The following RECQL4 variants were observed in gnomAD, a reference collection of about 807,000 sequenced individuals.
RECQL4 encodes the protein RecQ like helicase 4.
Under a neutral mutation model 128.6 loss-of-function variants are expected in RECQL4, and 158 were observed. The ratio of observed to expected loss-of-function variants is 1.23; its 90% confidence interval spans 1.08 to 1.40. RECQL4 has a LOEUF of 1.40. RECQL4 is among the 40% of genes most tolerant of loss of function. The probability of loss-of-function intolerance (pLI) is 0.00; values close to 1 mark genes in which losing one functional copy is unlikely to be tolerated. For synonymous variants in RECQL4, 996 were observed against 678.9 expected, an observed-to-expected ratio of 1.47 and a Z score of -7.26; for missense variants, 2,293 against 1,649.8, an observed-to-expected ratio of 1.39 and a Z score of -6.75.
rs1024635326 is a variant in RECQL4 at position 144,516,233 on chromosome 8, C to T, written c.886G>A (p.Glu296Lys). ...TGTACAGGTTCCCCTGGAGGGTCTT[C>T]CTCAACTGCTACAGCCCCAGCCCCC... ...SEGAGAVAVE[E>K]DPPGEPVQAQ... The change falls in exon 5 of 21, where the codon GAA becomes AAA. Residue 296 changes from glutamate (E) to lysine (K), a missense_variant. Glu to Lys is a moderately conservative substitution (Grantham distance 56). Coordinates refer to ENST00000617875, the MANE Select transcript of RECQL4 (RefSeq NM_004260.4). 9 of 1,612,982 alleles carry T rather than the reference C, an allele frequency of 5.6e-6. No individual in the cohort carries two copies. The Admixed American group carries it at 8.3e-5, about 15-fold the overall frequency.
At chr8:144,516,799 C>A in intron 4 of RECQL4, 35 bp from the exon 5 acceptor site, 1 of 1,511,016 alleles carries the variant, frequency 6.6e-7, no homozygotes, top group Non-Finnish European at 8.8e-7. Context: ...AGGAGGAACT[C>A]AGGCCCCTGA....
chr8:144,517,184 C>T lies in RECQL4; in HGVS notation c.220G>A (p.Glu74Lys). The change falls in exon 4 of 21, where the codon GAG (glutamate) becomes AAG (lysine). Residue 74 changes from glutamate (E) to lysine (K), a missense_variant. Physicochemically the swap from Glu to Lys is moderately conservative, Grantham distance 56. Coordinates refer to ENST00000617875, the MANE Select transcript of RECQL4 (RefSeq NM_004260.4). ...AGATGGGGCCCCCAGCAGCGGGGCT[C>T]TGGCGCCTGCAGGAGACAACAGGGG... ...SLPAAAEEAP[E>K]PRCWGPHLNR... The T allele has an allele frequency of 6.2e-7, 1 of 1,602,346 alleles. No homozygotes were observed. The highest frequency in any genetic ancestry group is 8.5e-7 in the Non-Finnish European group (1 of 1,176,410).
chr8:144,515,463 G>T lies in RECQL4; in HGVS notation c.1259-6C>A. 1 of 1,612,650 alleles carries T rather than the reference G, an allele frequency of 6.2e-7. No individual in the cohort carries two copies. Among genetic ancestry groups the T allele is most frequent in the Non-Finnish European group, 8.5e-7 (1 of 1,179,822 alleles). On this transcript the variant is annotated splice_region_variant and splice_polypyrimidine_tract_variant and intron_variant, in intron 6 of 20. Coordinates refer to ENST00000617875, the MANE Select transcript of RECQL4 (RefSeq NM_004260.4). ...ATCTGTGTCTTCCTCACTTGCTGGG[G>T]CAGGCAGGAGAGGGTAGAATGGGAG...
intron 19 of RECQL4, 59 bp from the exon 20 acceptor site, chr8:144,511,848 C>T (rs1212025209): frequency 6.2e-7 from 1 of 1,610,660 alleles, no homozygotes; most frequent in Non-Finnish European, 8.5e-7. Context: ...ATCCACAGAG[C>T]AAGCCCCATG....
At chr8:144,515,639 T>C (rs1371207389) in intron 6 of RECQL4, 125 bp downstream of exon 6, 1 of 1,453,556 alleles carries the variant, frequency 6.9e-7, no homozygotes, top group Non-Finnish European at 9.3e-7. Context: ...TCAGGGGAGC[T>C]AGGGTAGGGC....
At position 144,513,450 on chromosome 8, in the gene RECQL4, T is replaced by G. The variant is rs757576880; in HGVS notation, c.2231A>C (p.Tyr744Ser). 1.2e-6 allele frequency: 2 copies of G among 1,609,860 alleles called. No homozygotes were observed. The highest frequency in any genetic ancestry group is 1.1e-5 in the South Asian group (1 of 91,072). ...TTCCCGGCTGCACATGCCCGCGTGG[T>G]AGGCCTCGGCTGTGGTTTTGGGGGC... ...GRAPKTTAEA[Y>S]HAGMCSRERR... The change falls in exon 14 of 21, where the codon TAC (tyrosine) becomes TCC (serine). Residue 744 changes from tyrosine (Y) to serine (S), a missense_variant. Transcript: ENST00000617875.
Position 144,517,711 on chromosome 8 carries a change from C to A in RECQL4, c.74G>T (p.Arg25Leu). The A allele has an allele frequency of 1.5e-6, 2 of 1,363,908 alleles. No homozygotes were observed. The highest frequency in any genetic ancestry group is 1.7e-5 in the South Asian group (1 of 59,246). 84.5% of individuals were successfully genotyped at this position (1,363,908 alleles called of 1,614,324 possible). Reference protein sequence around the residue: ...ERAFRRQRGRRPSQDDVEAAP... With the variant: ...ERAFRRQRGRLPSQDDVEAAP... ...CTGGGCAGCCCGCACCTGGCTCGGT[C>A]GCCGCCCGCGCTGCCGTCGGAACGC... The change falls in exon 1 of 21, where the codon CGA becomes CTA. Residue 25 changes from arginine (R) to leucine (L), a missense_variant. Arg to Leu is a moderately radical substitution (Grantham distance 102). Transcript: ENST00000617875.
intron 9 of RECQL4, 101 bp from the exon 10 acceptor site, chr8:144,514,626 G>GA: frequency 7.9e-7 from 1 of 1,262,242 alleles, no homozygotes; most frequent in Admixed American, 2.2e-5. Flanking sequence ...TCCCTCAGGG[G>GA]AGAGGAGAAC....
At position 144,513,367 on chromosome 8, in the gene RECQL4, C is replaced by T. The variant is rs1343306408; in HGVS notation, c.2314G>A (p.Val772Met). 5 of 1,606,690 alleles carry T rather than the reference C, an allele frequency of 3.1e-6. No homozygotes were observed. The highest frequency in any genetic ancestry group is 2.2e-5 in the South Asian group (2 of 91,058). ...QGQLRVVVAT[V>M]AFGMGLDRPD... ...CGGTCCAGCCCCATCCCAAAGGCCA[C>T]CGTGGCCACCACCACCCGCAACTGG... Residue 772 changes from valine to methionine, a missense_variant, in exon 14 of 21, where the codon GTG (valine) becomes ATG (methionine). By Grantham distance (21) the Val-to-Met change is conservative (BLOSUM62 1). Coordinates refer to ENST00000617875, the MANE Select transcript of RECQL4 (RefSeq NM_004260.4).
Position 144,512,837 on chromosome 8 carries a change from G to C in RECQL4, c.2755+10C>G, listed in dbSNP as rs775596331. 6.2e-7 allele frequency: 1 copy of C among 1,607,280 alleles called. No homozygotes were observed. The highest frequency in any genetic ancestry group is 1.7e-5 in the Admixed American group (1 of 59,184). On this transcript the variant is annotated intron_variant, in intron 15 of 20. Coordinates refer to ENST00000617875, the MANE Select transcript of RECQL4 (RefSeq NM_004260.4). ...CTCCACACCCCTGTGGCTTACCCCA[G>C]GTTCCTCACCCTCCTCCGGCATGTC... is the stretch of plus-strand genomic sequence containing the variant.
chr8:144,513,130 G>T lies in RECQL4; in HGVS notation c.2472C>A (p.Asp824Glu). 1 of 1,560,886 alleles carries T rather than the reference G, an allele frequency of 6.4e-7. No homozygotes were observed. The highest frequency in any genetic ancestry group is 8.7e-7 in the Non-Finnish European group (1 of 1,152,024). The change falls in exon 15 of 21, where the codon GAC becomes GAA. Residue 824 changes from aspartate to glutamate, a missense_variant. Transcript: ENST00000617875. ...CHLFLQPQGEDLRELRRHVHA... is the reference protein window; with the variant it reads ...CHLFLQPQGEELRELRRHVHA... ...GCACATGTCTGCGCAGCTCTCGCAG[G>T]TCTTCGCCCTGCAGGGCAACTTTCA...
Position 144,516,018 on chromosome 8 carries a change from C to T in RECQL4, c.1101G>A (p.Arg367=), listed in dbSNP as rs760597759. 6.2e-7 allele frequency: 1 copy of T among 1,610,442 alleles called. No homozygotes were observed. The highest frequency in any genetic ancestry group is 8.5e-7 in the Non-Finnish European group (1 of 1,178,062). The change falls in exon 5 of 21, where the codon CGG becomes CGA. Residue 367 remains arginine, a synonymous_variant. Coordinates refer to ENST00000617875, the MANE Select transcript of RECQL4 (RefSeq NM_004260.4). ...NMKQKHYVRG[R]ALRSRLLRKQ... ...TGCGGAGGAGCCTGCTACGGAGTGC[C>T]CGGCCCCGCACGTAGTGTTTCTGCT...
rs137975310 is a variant in RECQL4, at chr8:144,512,966, G to C, written c.2636C>G (p.Pro879Arg). The C allele has an allele frequency of 6.4e-7, 1 of 1,571,772 alleles. No homozygotes were observed. The highest frequency in any genetic ancestry group is 8.6e-7 in the Non-Finnish European group (1 of 1,158,922). The change falls in exon 15 of 21, where the codon CCT becomes CGT. Residue 879 changes from proline to arginine, a missense_variant. Physicochemically the swap from Pro to Arg is moderately radical, Grantham distance 103. Transcript: ENST00000617875. ...GGERPVPKYP[P>R]QEAEQLSHQA... ...GTGGCTAAGCTGCTCAGCCTCTTGAGGGGGGTACTTGGGCACAGGCCTCTC... is the reference window on the plus strand; with the variant it reads ...GTGGCTAAGCTGCTCAGCCTCTTGACGGGGGTACTTGGGCACAGGCCTCTC...
chr8:144,517,541 G>A (rs1457051035), intron 2 of RECQL4, 33 bp from the exon 3 acceptor site: 30 of 1,552,642 alleles, frequency 1.9e-5, no homozygotes, highest in Non-Finnish European at 2.5e-5. Context: ...GGGTCAGGGT[G>A]GGGCCTGGGC....
Position 144,516,024 on chromosome 8 carries a change from CCGCACGTAGTGTTTCTGCTTCATGTTG to C in RECQL4, c.1068_1094del (p.Asn357_Arg365del), listed in dbSNP as rs1828134241. The C allele has an allele frequency of 3.1e-6, 5 of 1,611,316 alleles. No individual in the cohort carries two copies. The highest frequency in any genetic ancestry group is 3.4e-6 in the Non-Finnish European group (4 of 1,178,774). On this transcript the variant is annotated inframe_deletion, in exon 5 of 21. Transcript: ENST00000617875. ...GGAGCCTGCTACGGAGTGCCCGGCC[CCGCACGTAGTGTTTCTGCTTCATGTTG>C]AGCCGTACGTAATTGCCCCTGTCAT...
chr8:144,511,819 T>C (rs766724974), intron 19 of RECQL4, 30 bp from the exon 20 acceptor site: 2 of 1,611,736 alleles, frequency 1.2e-6, no homozygotes, highest in East Asian at 2.2e-5. Context: ...AGGCTTCCTC[T>C]GAGCTCCCGT....
chr8:144,516,779 A>G lies in RECQL4; in HGVS notation c.355-15T>C. On this transcript the variant is annotated splice_polypyrimidine_tract_variant and intron_variant, in intron 4 of 20. Coordinates refer to ENST00000617875, the MANE Select transcript of RECQL4 (RefSeq NM_004260.4). ...GCTGGTCCGGCCTGGGAGGGGAACAACAGAACAGCAGGAGGAACTCAGGCC... is the reference window on the plus strand; with the variant it reads ...GCTGGTCCGGCCTGGGAGGGGAACAGCAGAACAGCAGGAGGAACTCAGGCC... 1.3e-6 allele frequency: 2 copies of G among 1,516,528 alleles called. No homozygotes were observed. The highest frequency in any genetic ancestry group is 1.8e-6 in the Non-Finnish European group (2 of 1,136,684). The allele number at this position is 1,516,528 out of a possible 1,614,324, so 93.9% of individuals were successfully genotyped here.
At position 144,514,203 on chromosome 8, in the gene RECQL4, G is replaced by A. The variant is rs373717016; in HGVS notation, c.1864C>T (p.Leu622=). The A allele has an allele frequency of 4.5e-5, 73 of 1,612,368 alleles. No homozygotes were observed. In the African/African-American group the frequency reaches 7.5e-4, roughly 16 times the overall value. ...QWSHNFRPCY[L]RVCKVLRERM... is the part of the protein sequence containing the mutation. ...ATATGGCTCACCTTGCAGACGCGCA[G>A]GTAGCAGGGCCGGAAGTTGTGGGAC... is the stretch of plus-strand genomic sequence containing the variant. Residue 622 remains leucine, a synonymous_variant, in exon 11 of 21, where the codon CTG becomes TTG. Transcript: ENST00000617875.
Position 144,514,919 on chromosome 8 carries a change from G to C in RECQL4, c.1620+17C>G. The C allele has an allele frequency of 6.2e-7, 1 of 1,610,052 alleles. No homozygotes were observed. The highest frequency in any genetic ancestry group is 8.5e-7 in the Non-Finnish European group (1 of 1,179,172). Reference sequence around the variant, plus strand: ...GTTCTTGGCTGTGTACGTGTGCCCAGGGCCCTGTGTGCACACCTGGTCATC... The same window carrying C: ...GTTCTTGGCTGTGTACGTGTGCCCACGGCCCTGTGTGCACACCTGGTCATC... On this transcript the variant is annotated intron_variant, in intron 9 of 20. Transcript: ENST00000617875.
Sources: allele counts gnomAD v4.1 joint callset, GRCh38; gene constraint gnomAD v4.1.1; transcripts MANE v1.5; gene names NCBI Gene and HGNC (gene_info 2026-07-23, HGNC 2026-07-21).